SNX29: variants seen among roughly 807,000 people sequenced by gnomAD.
SNX29 encodes the protein sorting nexin-29.
SNX29 carries 78 observed loss-of-function variants against 102.1 expected under a neutral mutation model. The ratio of observed to expected loss-of-function variants is 0.76; its 90% CI spans 0.64 to 0.92. The LOEUF (loss-of-function observed/expected upper bound fraction) is 0.92. Among genes scored for constraint, SNX29 ranks in the 40% least tolerant of loss-of-function variants. The pLI is 0.00. For missense variants in SNX29, 1,280 were observed against 1,061.7 expected (o/e 1.21, Z -2.86); for synonymous variants, 580 against 414.5 (o/e 1.40, Z -4.85).
intron 11 of SNX29, chr16:12,087,576 A>G: frequency 3.0e-6 from 1 of 335,152 alleles, no homozygotes; most frequent in Non-Finnish European, 5.9e-6. Context: ...CAGCCTGGGC[A>G]ACAGAGCAAG....
chr16:12,406,003 G>C (rs1243320803), intron 18 of SNX29, among the ~76,000 whole-genome samples: 2 of 151,650 alleles, frequency 1.3e-5, no homozygotes, highest in African/African-American at 4.8e-5. Flanking sequence ...TTGCACTCCA[G>C]ACTGGGTGAC....
At chr16:12,234,742 A>G (rs1445073803) in intron 14 of SNX29, among the ~76,000 whole-genome samples, 1 of 152,112 alleles carries the variant, frequency 6.6e-6, no homozygotes, top group Non-Finnish European at 1.5e-5. Flanking sequence ...AGAGTTGTTC[A>G]TTCCCTCTCT....
intron 13 of SNX29, among the ~76,000 whole-genome samples, chr16:12,178,127 A>T (rs1184187643): frequency 6.6e-6 from 1 of 152,200 alleles, no homozygotes; most frequent in Non-Finnish European, 1.5e-5. Flanking sequence ...GAGCCAGGGC[A>T]GGAAATGCCA....
intron 18 of SNX29, among the ~76,000 whole-genome samples, chr16:12,475,654 C>G (rs1027692286): frequency 6.6e-6 from 1 of 152,240 alleles, no homozygotes; most frequent in South Asian, 2.1e-4. Flanking sequence ...GCACAATCAT[C>G]TAACACAAAG....
intron 1 of SNX29, among the ~76,000 whole-genome samples, chr16:11,996,355 C>T (rs1272651968): frequency 6.6e-6 from 1 of 152,068 alleles, no homozygotes; most frequent in East Asian, 1.9e-4. Context: ...CTTACTCTAG[C>T]CCATGTGATA....
chr16:12,197,609 C>T (rs1016190593), intron 13 of SNX29, among the ~76,000 whole-genome samples: 2 of 152,088 alleles, frequency 1.3e-5, no homozygotes, highest in African/African-American at 4.8e-5. Flanking sequence ...CTGTACAATC[C>T]CCATCAGGGA....
At chr16:12,561,918 C>T (rs1032235415) in intron 20 of SNX29, among the ~76,000 whole-genome samples, 2 of 152,148 alleles carry the variant, frequency 1.3e-5, no homozygotes, top group African/African-American at 2.4e-5. Context: ...TCTCCAGTTG[C>T]CTTCCAGGTG....
chr16:12,233,435 A>C (rs982636053), intron 14 of SNX29, among the ~76,000 whole-genome samples: 54 of 151,076 alleles, frequency 3.6e-4, no homozygotes, highest in African/African-American at 1.1e-3. Context: ...TGGGGGCTAC[A>C]AGAAGGGGAG....
chr16:12,556,858 ATTTT>A (rs923109471), intron 20 of SNX29, among the ~76,000 whole-genome samples: 13 of 148,782 alleles, frequency 8.7e-5, no homozygotes, highest in Non-Finnish European at 1.5e-4. Context: ...AAAAAATTGA[ATTTT>A]TTTTTTTTGA....
chr16:12,064,099 T>C (rs2050909354), intron 9 of SNX29, among the ~76,000 whole-genome samples: 1 of 152,060 alleles, frequency 6.6e-6, no homozygotes, highest in Non-Finnish European at 1.5e-5. Flanking sequence ...AGGGGTCTTG[T>C]AGTTGGGTTC....
At chr16:12,043,794 C>T (rs2049981334) in intron 5 of SNX29, among the ~76,000 whole-genome samples, 1 of 152,108 alleles carries the variant, frequency 6.6e-6, no homozygotes, top group Non-Finnish European at 1.5e-5. Flanking sequence ...CACTCTTTTG[C>T]CCAGGCTGGA....
intron 20 of SNX29, among the ~76,000 whole-genome samples, chr16:12,550,767 G>T (rs888613498): frequency 1.3e-5 from 2 of 150,104 alleles, no homozygotes; most frequent in Admixed American, 6.6e-5. Context: ...TTGAAAAAGT[G>T]TAGAGGCTGA....
intron 15 of SNX29, among the ~76,000 whole-genome samples, chr16:12,313,993 A>G (rs1280943939): frequency 6.6e-6 from 1 of 152,016 alleles, no homozygotes; most frequent in Non-Finnish European, 1.5e-5. Context: ...GTTTATTTTT[A>G]ATTATTTATA....
intron 8 of SNX29, among the ~76,000 whole-genome samples, chr16:12,055,196 C>T (rs1030044309): frequency 4.0e-5 from 6 of 151,580 alleles, no homozygotes; most frequent in Non-Finnish European, 7.4e-5. Context: ...GTACCTCTAA[C>T]TCCATTTCTA....
At chr16:12,198,412 A>G (rs531914420) in intron 13 of SNX29, among the ~76,000 whole-genome samples, 11 of 149,878 alleles carry the variant, frequency 7.3e-5, no homozygotes, top group African/African-American at 2.3e-4. Flanking sequence ...TGTTTTTTGC[A>G]TTTCTTCTTA....
intron 14 of SNX29, among the ~76,000 whole-genome samples, chr16:12,249,143 A>G (rs763449926): frequency 2.8e-4 from 42 of 152,302 alleles, no homozygotes; most frequent in Admixed American, 1.8e-3. Flanking sequence ...GTGATGATTG[A>G]GGCAGCTGTG....
rs13329697 is a variant in SNX29 at position 12,572,660 on chromosome 16, G to C, written c.*4031G>C. On this transcript the variant is annotated 3_prime_UTR_variant, in exon 21 of 21. Coordinates refer to ENST00000566228, the MANE Select transcript of SNX29 (RefSeq NM_032167.5). ...ATTCCTCCACCAAGCTCCTGTGTGA[G>C]CTGCAGCACCCACACGGGGGAAGCC... is the stretch of plus-strand genomic sequence containing the variant. 1 of 1,063,956 alleles carries C rather than the reference G, an allele frequency of 9.4e-7. No individual in the cohort carries two copies. The highest frequency in any genetic ancestry group is 4.6e-5 in the South Asian group (1 of 21,972). The allele number at this position is 1,063,956 out of a possible 1,614,324, so 65.9% of individuals were successfully genotyped here.
At chr16:12,492,713 T>G (rs917143418) in intron 19 of SNX29, among the ~76,000 whole-genome samples, 9 of 152,164 alleles carry the variant, frequency 5.9e-5, no homozygotes, top group African/African-American at 2.2e-4. Flanking sequence ...TTGTATAAGG[T>G]GTAAGGAAGG....
At position 12,403,456 on chromosome 16, in the gene SNX29, G is replaced by A. The variant is rs765956667; in HGVS notation, c.1964G>A (p.Arg655Gln). 23 of 1,607,028 alleles carry A rather than the reference G, an allele frequency of 1.4e-5. No homozygotes were observed. The highest frequency in any genetic ancestry group is 5.6e-5 in the South Asian group (5 of 89,222). The change falls in exon 18 of 21, where the codon CGG becomes CAG. Residue 655 changes from arginine (R) to glutamine (Q), a missense_variant. Coordinates refer to ENST00000566228, the MANE Select transcript of SNX29 (RefSeq NM_032167.5). ...CTCTTCCTTTTGGTTAGATCAAACC[G>A]GGCGCTGATCAACGTCTGGATCCCC... ...QSLSDFEISN[R>Q]ALINVWIPSV... is the part of the protein sequence containing the mutation.
Sources: gnomAD v4.1 joint callset for allele counts (sites outside exome capture counted in the v4.1 genomes callset) on GRCh38, gnomAD v4.1.1 for gene constraint, MANE v1.5 for transcripts, NCBI Gene and HGNC (gene_info 2026-07-23, HGNC 2026-07-21) for gene names.